ESCO1: variants seen among roughly 807,000 people sequenced by gnomAD.
The protein encoded by ESCO1 is establishment of sister chromatid cohesion N-acetyltransferase 1, also known as N-acetyltransferase ESCO1.
In ESCO1, 33 loss-of-function variants were observed where a neutral mutation model predicts 83.5. The ratio of observed to expected loss-of-function variants is 0.40; its 90% confidence interval spans 0.30 to 0.53. The LOEUF (loss-of-function observed/expected upper bound fraction) is 0.53, where lower values mean the gene tolerates loss of function less well. ESCO1 is among the 20% of genes least tolerant of loss of function. The pLI, the probability that ESCO1 is intolerant of heterozygous loss-of-function variation, is 0.63. For missense variants in ESCO1, 855 were observed against 968.0 expected, an observed-to-expected ratio of 0.88 and a Z score of 1.55; for synonymous variants, 332 against 324.3, an observed-to-expected ratio of 1.02 and a Z score of -0.25.
chr18:21,579,791 C>CGT (rs1568109805), intron 2 of ESCO1, among the ~76,000 whole-genome samples: 2 of 42,726 alleles, frequency 4.7e-5, no homozygotes, highest in African/African-American at 1.0e-4. Context: ...CACACGCGCG[C>CGT]GCGCACACAC....
chr18:21,583,614 A>C (rs893227477), intron 2 of ESCO1, among the ~76,000 whole-genome samples: 1 of 151,996 alleles, frequency 6.6e-6, no homozygotes, highest in Non-Finnish European at 1.5e-5. Flanking sequence ...ACTGCACTCC[A>C]GGCTGGGCAA....
At chr18:21,543,762 GA>G (rs1178468699) in intron 8 of ESCO1, among the ~76,000 whole-genome samples, 2 of 151,844 alleles carry the variant, frequency 1.3e-5, no homozygotes, top group African/African-American at 4.8e-5. Flanking sequence ...TATTACAAGG[GA>G]AAAAAACAGA....
At chr18:21,585,661 T>C (rs528888093) in intron 1 of ESCO1, among the ~76,000 whole-genome samples, 2 of 152,274 alleles carry the variant, frequency 1.3e-5, no homozygotes, top group African/African-American at 4.8e-5. Flanking sequence ...TCTCTCTATG[T>C]TGCCCAGGCA....
At chr18:21,546,364 C>G (rs1484144840) in intron 8 of ESCO1, among the ~76,000 whole-genome samples, 2 of 151,616 alleles carry the variant, frequency 1.3e-5, no homozygotes, top group African/African-American at 2.4e-5. Context: ...CCTGTTAGAG[C>G]AGCATGGTGA....
chr18:21,594,013 G>A (rs780569080), intron 1 of ESCO1, among the ~76,000 whole-genome samples: 6 of 152,100 alleles, frequency 3.9e-5, no homozygotes, highest in African/African-American at 9.7e-5. Context: ...GGGCTGTCCC[G>A]TGCATGGAGG....
chr18:21,565,362 T>C (rs2038245285), intron 6 of ESCO1, among the ~76,000 whole-genome samples: 1 of 152,220 alleles, frequency 6.6e-6, no homozygotes, highest in Admixed American at 6.5e-5. Context: ...TTAAACACTC[T>C]TACATGTTGC....
chr18:21,583,597 T>A (rs934691985), intron 2 of ESCO1, among the ~76,000 whole-genome samples: 2 of 151,026 alleles, frequency 1.3e-5, no homozygotes, highest in African/African-American at 4.9e-5. Flanking sequence ...TGAGCCGAGA[T>A]CATGCCACTG....
intron 8 of ESCO1, among the ~76,000 whole-genome samples, chr18:21,546,559 T>G (rs1178999296): frequency 6.6e-6 from 1 of 152,200 alleles, no homozygotes; most frequent in Non-Finnish European, 1.5e-5. Context: ...TTTTGGTTTT[T>G]GTTTTGAGAC....
At chr18:21,541,101 T>C (rs1048889337) in intron 8 of ESCO1, among the ~76,000 whole-genome samples, 1 of 152,174 alleles carries the variant, frequency 6.6e-6, no homozygotes, top group Admixed American at 6.6e-5. Context: ...AAGCTTGGTA[T>C]ATGTAACAAT....
At chr18:21,582,149 T>C (rs1264108248) in intron 2 of ESCO1, among the ~76,000 whole-genome samples, 1 of 152,140 alleles carries the variant, frequency 6.6e-6, no homozygotes, top group Non-Finnish European at 1.5e-5. Flanking sequence ...TAACCTATTC[T>C]AGTTTATGAG....
rs1238769392 is a variant in ESCO1 at position 21,560,695 on chromosome 18, C to T, written c.1953+164G>A. Among the ~76,000 whole-genome samples the T allele has an allele frequency of 2.6e-5, 4 of 152,084 alleles. 1 individual carries two copies. The East Asian group carries it at 7.7e-4, about 29-fold the overall frequency. On this transcript the variant is annotated intron_variant, in intron 8 of 11. Transcript: ENST00000269214. ...TAAATTAGCTGGTTTTTATGTTTGG[C>T]TTTGTTTTTAAAAAGCCAGTATACA...
intron 8 of ESCO1, among the ~76,000 whole-genome samples, chr18:21,544,566 T>G (rs1361947236): frequency 6.6e-6 from 1 of 151,358 alleles, no homozygotes; most frequent in East Asian, 1.9e-4. Flanking sequence ...GAGGTGGAGG[T>G]TGCAGTGAGC....
At chr18:21,570,152 C>T (rs2038320430) in intron 4 of ESCO1, among the ~76,000 whole-genome samples, 1 of 152,174 alleles carries the variant, frequency 6.6e-6, no homozygotes, top group Non-Finnish European at 1.5e-5. Context: ...GGCTGGAATG[C>T]AGTGAAATGA....
In ESCO1 at chr18:21,579,615, C is replaced by CA. The variant is rs1202141341; in HGVS notation, c.-693-3839dup. Among the ~76,000 whole-genome samples, 11 of 151,006 alleles carry CA rather than the reference C, an allele frequency of 7.3e-5. No individual in the cohort carries two copies. The East Asian group carries it at 1.8e-3, about 25-fold the overall frequency. On this transcript the variant is annotated intron_variant, in intron 2 of 11. Coordinates refer to ENST00000269214, the MANE Select transcript of ESCO1 (RefSeq NM_052911.3). ...TGAAACCCTGTCTCTACTAAAAATA[C>CA]AAAAAAATTAGCTGGGCATGGAGGC...
chr18:21,581,139 G>A (rs1239310838), intron 2 of ESCO1, among the ~76,000 whole-genome samples: 8 of 151,884 alleles, frequency 5.3e-5, no homozygotes, highest in Non-Finnish European at 7.4e-5. Context: ...GGTGAAACCC[G>A]GTATCTACTA....
chr18:21,557,424 T>G (rs773507608), intron 8 of ESCO1, among the ~76,000 whole-genome samples: 16 of 152,252 alleles, frequency 1.1e-4, no homozygotes, highest in East Asian at 1.9e-4. Flanking sequence ...AAATCTTAAC[T>G]CTTTCCTGTC....
At chr18:21,592,381 A>AC (rs372410222) in intron 1 of ESCO1, among the ~76,000 whole-genome samples, 1 of 130,308 alleles carries the variant, frequency 7.7e-6, no homozygotes, top group African/African-American at 2.9e-5. Flanking sequence ...CGGGGGACTG[A>AC]CCCCCCCCAC....
rs1332133946 is a variant in ESCO1, at chr18:21,584,430, C to A, written c.-814G>T. On this transcript the variant is annotated 5_prime_UTR_variant, in exon 2 of 12. Transcript: ENST00000269214. ...ATCTTTAAAAAAAAAAACTCTATAG[C>A]CAAAGACAATCTATTGAAAAAAAAA... 4 of 143,570 alleles carry A rather than the reference C, an allele frequency of 2.8e-5. No individual in the cohort carries two copies. Among genetic ancestry groups the A allele is most frequent in the Non-Finnish European group, 6.2e-5 (4 of 64,762 alleles). The allele number at this position is 143,570 out of a possible 1,614,324, so 8.9% of individuals were successfully genotyped here.
At position 21,583,506 on chromosome 18, in the gene ESCO1, T is replaced by C. The variant is rs1269926464; in HGVS notation, c.-694+804A>G. 3.3e-5 allele frequency among the ~76,000 whole-genome samples: 5 copies of C among 151,234 alleles called. No homozygotes were observed. The East Asian group carries it at 9.9e-4, about 30-fold the overall frequency. On this transcript the variant is annotated intron_variant, in intron 2 of 11. Transcript: ENST00000269214. ...TAAAAATACAAAAATTAGCCAGGTGTGGTGGCATGTGCCTGTAGTCCCAGC... is the reference window on the plus strand; with the variant it reads ...TAAAAATACAAAAATTAGCCAGGTGCGGTGGCATGTGCCTGTAGTCCCAGC...
Sources: gnomAD v4.1 joint callset for allele counts (sites outside exome capture counted in the v4.1 genomes callset) on GRCh38, gnomAD v4.1.1 for gene constraint, MANE v1.5 for transcripts, NCBI Gene and HGNC (gene_info 2026-07-23, HGNC 2026-07-21) for gene names.